Variants in ESRRG observed in about 807,000 individuals in gnomAD.
ESRRG encodes estrogen-related receptor gamma.
ESRRG carries 13 observed loss-of-function variants against 44.0 expected under a neutral mutation model. That is an observed-to-expected ratio of 0.30 (90% confidence interval 0.19 to 0.47). The LOEUF is 0.47. ESRRG is among the 20% of genes least tolerant of loss of function. The pLI, the probability that ESRRG is intolerant of heterozygous loss-of-function variation, is 1.00. For missense variants in ESRRG, 395 were observed against 580.6 expected (o/e 0.68, Z 3.29); for synonymous variants, 215 against 214.6 (o/e 1.00, Z -0.02).
chr1:216,668,871 A>G (rs2074546656), intron 2 of ESRRG, among the ~76,000 whole-genome samples: 1 of 152,258 alleles, frequency 6.6e-6, no homozygotes, highest in Admixed American at 6.5e-5. Context: ...GACTAAAAAA[A>G]GTCATTATGA....
At chr1:216,905,316 G>A (rs1474530328) in intron 2 of ESRRG, among the ~76,000 whole-genome samples, 1 of 149,970 alleles carries the variant, frequency 6.7e-6, no homozygotes, top group East Asian at 1.9e-4. Flanking sequence ...TTTTTTTCCT[G>A]TTCTTTGAAC....
At chr1:217,030,811 G>A (rs766956256) in intron 1 of ESRRG, among the ~76,000 whole-genome samples, 1 of 152,162 alleles carries the variant, frequency 6.6e-6, no homozygotes, top group Non-Finnish European at 1.5e-5. Flanking sequence ...CCTCCAAAGT[G>A]CAAAAATATC....
At chr1:216,976,587 A>G (rs1348390285) in intron 1 of ESRRG, among the ~76,000 whole-genome samples, 1 of 152,140 alleles carries the variant, frequency 6.6e-6, no homozygotes, top group Non-Finnish European at 1.5e-5. Context: ...TTCAATGCTA[A>G]ACACCTCTTA....
At chr1:216,892,085 A>G (rs1260241093) in intron 2 of ESRRG, among the ~76,000 whole-genome samples, 2 of 152,236 alleles carry the variant, frequency 1.3e-5, no homozygotes, top group Admixed American at 6.5e-5. Context: ...GATTACAGGC[A>G]TGAGCCACCG....
intron 5 of ESRRG, among the ~76,000 whole-genome samples, chr1:216,529,454 G>A (rs1333367857): frequency 6.6e-6 from 1 of 152,094 alleles, no homozygotes; most frequent in Non-Finnish European, 1.5e-5. Context: ...TCAAAAATAT[G>A]CTTTTTAAGT....
chr1:217,041,749 C>G (rs2083903409), intron 1 of ESRRG, among the ~76,000 whole-genome samples: 1 of 152,188 alleles, frequency 6.6e-6, no homozygotes, highest in Non-Finnish European at 1.5e-5. Flanking sequence ...ACAGCTAAAG[C>G]CCACACCTGC....
At position 216,595,527 on chromosome 1, in the gene ESRRG, C is replaced by T. The variant is rs562215061; in HGVS notation, c.590-27429G>A. ...ATCAAATAATTCAAAAAATAAACTG[C>T]TAGTATCAAATGTCAAATGCATAAA... On this transcript the variant is annotated intron_variant, in intron 3 of 6. Transcript: ENST00000408911. Among the ~76,000 whole-genome samples the T allele has an allele frequency of 2.0e-4, 30 of 152,188 alleles. No individual in the cohort carries two copies. The South Asian group carries it at 3.5e-3, about 18-fold the overall frequency.
chr1:216,958,423 A>C (rs956245755), intron 1 of ESRRG, among the ~76,000 whole-genome samples: 7 of 152,148 alleles, frequency 4.6e-5, no homozygotes, highest in Admixed American at 1.3e-4. Flanking sequence ...CATACTTGTA[A>C]GCATTTGTCA....
intron 3 of ESRRG, among the ~76,000 whole-genome samples, chr1:216,595,096 A>G (rs2058245592): frequency 6.6e-6 from 1 of 152,238 alleles, no homozygotes; most frequent in Non-Finnish European, 1.5e-5. Flanking sequence ...TTGCTCTATG[A>G]AAGAGGACAG....
rs560717889 is a variant in ESRRG, at chr1:216,688,552, A to T, written c.57-11061T>A. ...AACAAAAAACAAGGCTTTGGTTCTCAGTGAGTGAGAAATTGAATATTACAG... is the reference window on the plus strand; with the variant it reads ...AACAAAAAACAAGGCTTTGGTTCTCTGTGAGTGAGAAATTGAATATTACAG... On this transcript the variant is annotated intron_variant, in intron 1 of 6. Transcript: ENST00000408911. 4.4e-3 allele frequency among the ~76,000 whole-genome samples: 673 copies of T among 152,322 alleles called. 4 individuals carry two copies. The highest frequency in any genetic ancestry group is 7.8e-3 in the Non-Finnish European group (530 of 68,024).
At chr1:216,821,024 CA>C (rs1413747861) in intron 2 of ESRRG, among the ~76,000 whole-genome samples, 1 of 152,118 alleles carries the variant, frequency 6.6e-6, no homozygotes, top group Non-Finnish European at 1.5e-5. Context: ...ACGAAGTTTT[CA>C]GAGCCTGACC....
At chr1:217,090,051 G>A (rs2092308231), upstream of ESRRG, among the ~76,000 whole-genome samples, 2 of 152,078 alleles carry the variant, frequency 1.3e-5, no homozygotes, top group African/African-American at 2.4e-5. Flanking sequence ...AAAATTCCCG[G>A]CACTGTCATG....
intron 1 of ESRRG, among the ~76,000 whole-genome samples, chr1:217,014,942 A>T (rs1579506761): frequency 6.6e-6 from 1 of 152,262 alleles, no homozygotes; most frequent in East Asian, 1.9e-4. Flanking sequence ...ACAGCGATTC[A>T]TTACAGCTCC....
intron 1 of ESRRG, among the ~76,000 whole-genome samples, chr1:217,067,132 TTCTATAC>T (rs1162393663): frequency 6.6e-6 from 1 of 152,234 alleles, no homozygotes; most frequent in African/African-American, 2.4e-5. Flanking sequence ...ATTACAAAGT[TTCTATAC>T]TATAGCCTTA....
upstream of ESRRG, among the ~76,000 whole-genome samples, chr1:217,090,986 C>CT (rs1344223794): frequency 2.6e-5 from 4 of 152,106 alleles, no homozygotes; most frequent in Non-Finnish European, 4.4e-5. Flanking sequence ...CAGATTACTT[C>CT]TTTTTCTAAT....
chr1:216,529,653 A>C (rs1366982955), intron 5 of ESRRG, among the ~76,000 whole-genome samples: 1 of 152,154 alleles, frequency 6.6e-6, no homozygotes, highest in African/African-American at 2.4e-5. Flanking sequence ...TCTACTTTTT[A>C]AGATTTGATT....
intron 1 of ESRRG, among the ~76,000 whole-genome samples, chr1:216,721,067 C>A (rs2086159281): frequency 6.6e-6 from 1 of 152,192 alleles, no homozygotes; most frequent in South Asian, 2.1e-4. Flanking sequence ...TTATTTTCAT[C>A]TATTTATGCT....
intron 3 of ESRRG, among the ~76,000 whole-genome samples, chr1:216,628,445 C>T (rs2063554033): frequency 6.6e-6 from 1 of 152,146 alleles, no homozygotes; most frequent in Non-Finnish European, 1.5e-5. Flanking sequence ...AAGACTCAAG[C>T]TAACAGCCAA....
intron 2 of ESRRG, among the ~76,000 whole-genome samples, chr1:216,901,634 G>C (rs368486413): frequency 2.6e-5 from 4 of 152,072 alleles, no homozygotes; most frequent in Non-Finnish European, 4.4e-5. Context: ...GCCTCCCAAA[G>C]TATTGGGGTT....
Sources: allele counts gnomAD v4.1 joint callset (sites outside exome capture counted in the v4.1 genomes callset), GRCh38; gene constraint gnomAD v4.1.1; transcripts MANE v1.5; gene names NCBI Gene and HGNC (gene_info 2026-07-23, HGNC 2026-07-21).